IPO13: variants seen among roughly 807,000 people sequenced by gnomAD.
IPO13 encodes the protein importin-13.
In IPO13, 28 loss-of-function variants were observed where a neutral mutation model predicts 115.5. That is an observed-to-expected ratio of 0.24 (90% CI 0.18 to 0.33). The LOEUF (loss-of-function observed/expected upper bound fraction) is 0.33, where lower values mean the gene tolerates loss of function less well. Among genes scored for constraint, IPO13 ranks in the 10% least tolerant of loss-of-function variants. The pLI is 1.00. For synonymous variants in IPO13, 414 were observed against 478.9 expected (o/e 0.86, Z 1.77); for missense variants, 785 against 1,204.6 (o/e 0.65, Z 5.16).
Position 43,958,547 on chromosome 1 carries a change from G to C in IPO13, c.1836G>C (p.Ser612=). ...QVEEILKNLH[S]LISPYIQQLE... is the part of the protein sequence containing the mutation. ...AGGAGATCCTTAAGAACCTGCACTCGCTTATCTCACCCTATATCCAGCAAC... is the reference window on the plus strand; with the variant it reads ...AGGAGATCCTTAAGAACCTGCACTCCCTTATCTCACCCTATATCCAGCAAC... Residue 612 remains serine, a synonymous_variant, in exon 10 of 20, where the codon TCG becomes TCC. Transcript: ENST00000372343. The surrounding 1 kb of genome is among the most constrained non-coding windows in gnomAD (Gnocchi z 6.3). 6.2e-7 allele frequency: 1 copy of C among 1,614,122 alleles called. No homozygotes were observed. The highest frequency in any genetic ancestry group is 1.1e-5 in the South Asian group (1 of 91,084).
At chr1:43,948,839 A>G (rs1402332808) in intron 1 of IPO13, among the ~76,000 whole-genome samples, 1 of 152,218 alleles carries the variant, frequency 6.6e-6, no homozygotes, top group Non-Finnish European at 1.5e-5. Flanking sequence ...TTGGTTGGAC[A>G]TGTGCCCTCT....
At position 43,956,410 on chromosome 1, in the gene IPO13, C is replaced by CCATG; in HGVS notation, c.912_913insCATG (p.Ser305HisfsTer51). Reference sequence around the variant, plus strand: ...CAGTGCAGAATGGGGACATGGAGACCTCCCATGGCATCTGTCGCATCGCTG... The same window carrying CCATG: ...CAGTGCAGAATGGGGACATGGAGACCCATGTCCCATGGCATCTGTCGCATCGCTG... On this transcript the variant is annotated frameshift_variant, in exon 3 of 20. Coordinates refer to ENST00000372343, the MANE Select transcript of IPO13 (RefSeq NM_014652.4). LOFTEE classifies it high-confidence loss of function. This position sits in a 1 kb window ranked among gnomAD's most constrained non-coding sequence, Gnocchi z 4.7. 6.2e-7 allele frequency: 1 copy of CCATG among 1,614,214 alleles called. No individual in the cohort carries two copies. Among genetic ancestry groups the CCATG allele is most frequent in the Non-Finnish European group, 8.5e-7 (1 of 1,180,046 alleles).
At position 43,952,155 on chromosome 1, in the gene IPO13, T is replaced by C. The variant is rs1462433464; in HGVS notation, c.821+2002T>C. Among the ~76,000 whole-genome samples the C allele has an allele frequency of 1.3e-5, 2 of 152,176 alleles. No individual in the cohort carries two copies. The highest frequency in any genetic ancestry group is 2.9e-5 in the Non-Finnish European group (2 of 68,036). On this transcript the variant is annotated intron_variant, in intron 2 of 19. Coordinates refer to ENST00000372343, the MANE Select transcript of IPO13 (RefSeq NM_014652.4). This position sits in a 1 kb window ranked among gnomAD's most constrained non-coding sequence, Gnocchi z 4.7. Reference sequence around the variant, plus strand: ...TGTTCTACCTTTATACTTTATGTGATCAGTTAATGGTAATTGTTTATTTAT... The same window carrying C: ...TGTTCTACCTTTATACTTTATGTGACCAGTTAATGGTAATTGTTTATTTAT...
Position 43,961,267 on chromosome 1 carries a change from G to A in IPO13, c.2344+5G>A. On this transcript the variant is annotated splice_donor_5th_base_variant and intron_variant, in intron 14 of 19. Transcript: ENST00000372343. Reference sequence around the variant, plus strand: ...CACTCACTCTCTTCCAGCAAGGTAGGTCCTGACCGGGGTCTCTGCTGCTGC... The same window carrying A: ...CACTCACTCTCTTCCAGCAAGGTAGATCCTGACCGGGGTCTCTGCTGCTGC... The A allele has an allele frequency of 6.2e-7, 1 of 1,609,310 alleles. No homozygotes were observed. The highest frequency in any genetic ancestry group is 8.5e-7 in the Non-Finnish European group (1 of 1,175,666).
chr1:43,949,699 C>T lies in IPO13; in HGVS notation c.367C>T (p.Leu123=), dbSNP rs769692960. 13 of 1,614,134 alleles carry T rather than the reference C, an allele frequency of 8.1e-6. No homozygotes were observed. Among genetic ancestry groups the T allele is most frequent in the Non-Finnish European group, 1.1e-5 (13 of 1,180,050 alleles). ...ASGSKIVLTR[L]CVALASLALS... ...TGGCTCCAAGATTGTACTGACTCGG[C>T]TGTGCGTGGCACTGGCCTCACTGGC... Residue 123 remains leucine (L), a synonymous_variant, in exon 2 of 20, where the codon CTG becomes TTG. Transcript: ENST00000372343.
chr1:43,967,737 G>A lies in IPO13; in HGVS notation c.*55G>A. 6.6e-7 allele frequency: 1 copy of A among 1,514,066 alleles called. No individual in the cohort carries two copies. Among genetic ancestry groups the A allele is most frequent in the Non-Finnish European group, 9.2e-7 (1 of 1,092,342 alleles). 93.8% of individuals were successfully genotyped at this position (1,514,066 alleles called of 1,614,324 possible). ...CTTCATCCTTCCCTATTCCCAAAGAGTAAACCTGGACCCTCACTGCTGTCT... is the reference window on the plus strand; with the variant it reads ...CTTCATCCTTCCCTATTCCCAAAGAATAAACCTGGACCCTCACTGCTGTCT... On this transcript the variant is annotated 3_prime_UTR_variant, in exon 20 of 20. Coordinates refer to ENST00000372343, the MANE Select transcript of IPO13 (RefSeq NM_014652.4). This position sits in a 1 kb window ranked among gnomAD's most constrained non-coding sequence, Gnocchi z 6.1.
At chr1:43,963,321 A>T (rs2085301917) in intron 14 of IPO13, among the ~76,000 whole-genome samples, 1 of 152,194 alleles carries the variant, frequency 6.6e-6, no homozygotes, top group African/African-American at 2.4e-5. Flanking sequence ...TCAGAACTGG[A>T]GGCAGCAGTG....
At chr1:43,948,291 T>C (rs533880063) in intron 1 of IPO13, among the ~76,000 whole-genome samples, 11 of 152,268 alleles carry the variant, frequency 7.2e-5, no homozygotes, top group African/African-American at 2.4e-4. Context: ...CATAGCTCCC[T>C]GCCATGGCCC....
chr1:43,965,167 G>A (rs998192032), intron 15 of IPO13, among the ~76,000 whole-genome samples: 1 of 152,086 alleles, frequency 6.6e-6, no homozygotes, highest in East Asian at 1.9e-4. Context: ...CTGTATCAGA[G>A]TATGGTTTGG....
At position 43,947,628 on chromosome 1, in the gene IPO13, G is replaced by A. The variant is rs1368694206; in HGVS notation, c.28G>A (p.Ala10Thr). ...GGAGCGGCGGGAGGAGCAGCCGGGG[G>A]CTGCAGGGGCTGGAGCAGCACCAGC... MERREEQPG[A>T]AGAGAAPALD... The change falls in exon 1 of 20, where the codon GCT becomes ACT. Residue 10 changes from alanine to threonine, a missense_variant. By Grantham distance (58) the Ala-to-Thr change is moderately conservative (BLOSUM62 0). Coordinates refer to ENST00000372343, the MANE Select transcript of IPO13 (RefSeq NM_014652.4). The A allele has an allele frequency of 2.0e-5, 26 of 1,329,934 alleles. No homozygotes were observed. The South Asian group carries it at 2.1e-4, about 11-fold the overall frequency. 82.4% of individuals were successfully genotyped at this position (1,329,934 alleles called of 1,614,324 possible). A position where few individuals can be genotyped will look rare whatever the true frequency, so the allele number is the denominator to read the frequency against.
At chr1:43,964,677 A>C (rs1468845710) in intron 15 of IPO13, among the ~76,000 whole-genome samples, 1 of 152,010 alleles carries the variant, frequency 6.6e-6, no homozygotes, top group South Asian at 2.1e-4. Context: ...GGTCTGGGGT[A>C]CACTGTCCCC....
intron 1 of IPO13, among the ~76,000 whole-genome samples, chr1:43,948,538 A>G (rs2085183588): frequency 6.6e-6 from 1 of 152,238 alleles, no homozygotes; most frequent in African/African-American, 2.4e-5. Flanking sequence ...CTGAGGGGCC[A>G]AACAAGGGCC....
chr1:43,958,027 C>T lies in IPO13; in HGVS notation c.1591C>T (p.Leu531=), dbSNP rs773758792. ...ADHPVMINSV[L]PLVLHALGNP... is the part of the protein sequence containing the mutation. ...CCACCCCGTCATGATCAACAGTGTT[C>T]TGCCCTTGGTACTGCATGCCCTAGG... The change falls in exon 8 of 20, where the codon CTG becomes TTG. Residue 531 remains leucine, a synonymous_variant. Transcript: ENST00000372343. The surrounding 1 kb of genome is among the most constrained non-coding windows in gnomAD (Gnocchi z 6.3). The T allele has an allele frequency of 6.1e-5, 99 of 1,614,088 alleles. No individual in the cohort carries two copies. The Admixed American group carries it at 1.6e-3, about 26-fold the overall frequency.
intron 12 of IPO13, among the ~76,000 whole-genome samples, chr1:43,960,637 T>C (rs771802743): frequency 8.5e-5 from 13 of 152,148 alleles, no homozygotes; most frequent in Non-Finnish European, 1.6e-4. Flanking sequence ...TGAGAGGAAA[T>C]GTTAGAGATG....
intron 2 of IPO13, among the ~76,000 whole-genome samples, chr1:43,950,718 C>T (rs1369091216): frequency 2.0e-5 from 3 of 152,232 alleles, no homozygotes; most frequent in South Asian, 2.1e-4. Context: ...GCTCTCTACA[C>T]GCTCACACAG....
chr1:43,967,361 A>T lies in IPO13; in HGVS notation c.2660A>T (p.Asp887Val). Residue 887 changes from aspartate to valine, a missense_variant, in exon 19 of 20, where the codon GAT (aspartate) becomes GTT (valine). Transcript: ENST00000372343. The surrounding 1 kb of genome is among the most constrained non-coding windows in gnomAD (Gnocchi z 6.1). ...ASRSLMDCFADILFALNKHCF... is the reference protein window; with the variant it reads ...ASRSLMDCFAVILFALNKHCF... ...CGCAGCCTCATGGACTGCTTTGCCG[A>T]TATCCTGTTCGCCCTGAACAAGCAC... is the stretch of plus-strand genomic sequence containing the variant. 1 of 1,614,082 alleles carries T rather than the reference A, an allele frequency of 6.2e-7. No homozygotes were observed. Among genetic ancestry groups the T allele is most frequent in the Non-Finnish European group, 8.5e-7 (1 of 1,180,020 alleles).
intron 1 of IPO13, 90 bp from the exon 2 acceptor site, chr1:43,949,327 C>G: frequency 7.2e-7 from 1 of 1,383,272 alleles, no homozygotes; most frequent in Non-Finnish European, 9.6e-7. Flanking sequence ...GGAGAGGGAG[C>G]AGCCTTGCAG....
intron 12 of IPO13, among the ~76,000 whole-genome samples, chr1:43,960,541 G>A (rs1339044001): frequency 2.0e-5 from 3 of 152,172 alleles, no homozygotes; most frequent in South Asian, 2.1e-4. Flanking sequence ...TATTAGGGTC[G>A]AGTGACAGTC....
intron 14 of IPO13, among the ~76,000 whole-genome samples, chr1:43,962,311 G>A (rs760315953): frequency 2.0e-4 from 31 of 152,044 alleles, no homozygotes; most frequent in Admixed American, 1.9e-3. Context: ...ACCCACCTCC[G>A]TGGCCACTGC....
Sources: gnomAD v4.1 joint callset for allele counts (sites outside exome capture counted in the v4.1 genomes callset) on GRCh38, gnomAD v4.1.1 for gene constraint, Gnocchi (gnomAD v3.1) non-coding constraint, MANE v1.5 for transcripts, NCBI Gene and HGNC (gene_info 2026-07-23, HGNC 2026-07-21) for gene names.